Variants in SNTG1 observed in about 807,000 individuals in gnomAD.
SNTG1 encodes the protein gamma-1-syntrophin.
SNTG1 carries 39 observed loss-of-function variants against 74.7 expected under a neutral mutation model. That is an observed-to-expected ratio of 0.52 (90% CI 0.40 to 0.68). SNTG1 has a LOEUF of 0.68. Among genes scored for constraint, SNTG1 ranks in the 30% least tolerant of loss-of-function variants. The probability of loss-of-function intolerance (pLI) is 0.00; values close to 1 mark genes in which losing one functional copy is unlikely to be tolerated. For synonymous variants in SNTG1, 254 were observed against 217.1 expected (o/e 1.17, Z -1.49); for missense variants, 685 against 609.5 (o/e 1.12, Z -1.30).
intron 1 of SNTG1, among the ~76,000 whole-genome samples, chr8:50,059,371 C>G (rs1018810237): frequency 2.0e-5 from 3 of 152,042 alleles, no homozygotes; most frequent in African/African-American, 7.2e-5. Context: ...ATAACTCACT[C>G]GTTTGAAGCA....
At chr8:50,065,525 C>T (rs1309426359) in intron 1 of SNTG1, among the ~76,000 whole-genome samples, 1 of 152,076 alleles carries the variant, frequency 6.6e-6, no homozygotes, top group Non-Finnish European at 1.5e-5. Flanking sequence ...ACATACTACC[C>T]TTAAGAAAAA....
chr8:50,594,313 CTCAT>C (rs2094712396), intron 13 of SNTG1, among the ~76,000 whole-genome samples: 1 of 152,118 alleles, frequency 6.6e-6, no homozygotes, highest in African/African-American at 2.4e-5. Context: ...TGAAATATAT[CTCAT>C]TCCTCCCACA....
intron 12 of SNTG1, among the ~76,000 whole-genome samples, chr8:50,570,226 T>TTTTTATTTTATTTTATTTTATATTTTA (rs2094539179): frequency 2.1e-5 from 1 of 46,774 alleles, no homozygotes; most frequent in Non-Finnish European, 6.0e-5. Context: ...GGTGGTTCTA[T>TTTTTATTTTATTTTATTTTATATTTTA]TTTTATTTTA....
At chr8:50,228,215 C>A (rs2085439717) in intron 2 of SNTG1, among the ~76,000 whole-genome samples, 1 of 150,926 alleles carries the variant, frequency 6.6e-6, no homozygotes, top group Non-Finnish European at 1.5e-5. Context: ...TTGACATAGC[C>A]AAGGAAAAAA....
At chr8:50,596,072 A>G (rs2094725224) in intron 13 of SNTG1, among the ~76,000 whole-genome samples, 1 of 152,018 alleles carries the variant, frequency 6.6e-6, no homozygotes, top group Non-Finnish European at 1.5e-5. Flanking sequence ...AGGGTTTTAC[A>G]TTTCACATTG....
At chr8:50,525,950 C>G (rs747869871) in intron 9 of SNTG1, among the ~76,000 whole-genome samples, 1 of 151,656 alleles carries the variant, frequency 6.6e-6, no homozygotes, top group Admixed American at 6.6e-5. Context: ...TCAGCCATGT[C>G]TCTTAGACTT....
chr8:50,328,454 C>T, intron 2 of SNTG1, among the ~76,000 whole-genome samples: 1 of 152,084 alleles, frequency 6.6e-6, no homozygotes, highest in Admixed American at 6.6e-5. Flanking sequence ...TTCTGCATGG[C>T]TGGGAGGCCT....
intron 12 of SNTG1, among the ~76,000 whole-genome samples, chr8:50,582,330 C>T (rs2130825545): frequency 6.6e-6 from 1 of 152,240 alleles, no homozygotes; most frequent in African/African-American, 2.4e-5. Context: ...CAAGTCGGTG[C>T]AGTATAGACT....
intron 1 of SNTG1, among the ~76,000 whole-genome samples, chr8:50,127,563 G>A (rs934608639): frequency 2.0e-5 from 3 of 152,134 alleles, no homozygotes; most frequent in African/African-American, 7.2e-5. Flanking sequence ...ACTGCCTCAA[G>A]GCCTGGCAAT....
intron 2 of SNTG1, among the ~76,000 whole-genome samples, chr8:50,284,918 A>AT (rs1397638312): frequency 2.0e-5 from 3 of 151,792 alleles, no homozygotes; most frequent in Admixed American, 6.6e-5. Flanking sequence ...ATCAATGTTT[A>AT]TTTTTTTTAC....
At chr8:50,052,961 G>A (rs1819700417) in intron 1 of SNTG1, among the ~76,000 whole-genome samples, 1 of 152,056 alleles carries the variant, frequency 6.6e-6, no homozygotes, top group Non-Finnish European at 1.5e-5. Context: ...TATATTGCTG[G>A]GGCATCTGAA....
At chr8:50,114,203 G>A (rs944896845) in intron 1 of SNTG1, among the ~76,000 whole-genome samples, 2 of 151,934 alleles carry the variant, frequency 1.3e-5, no homozygotes, top group East Asian at 3.9e-4. Context: ...CAACTAAAAA[G>A]CAGTTGGAAT....
At position 50,502,722 on chromosome 8, in the gene SNTG1, A is replaced by C. The variant is rs890864314; in HGVS notation, c.364-56A>C. 10 of 1,402,548 alleles carry C rather than the reference A, an allele frequency of 7.1e-6. No homozygotes were observed. The Admixed American group carries it at 1.9e-4, about 27-fold the overall frequency. The allele number at this position is 1,402,548 out of a possible 1,614,324, so 86.9% of individuals were successfully genotyped here. ...CAACCAATAATTTCAAGGCTTTGCC[A>C]TCATATAACATGATAAATGTAATGA... is the stretch of plus-strand genomic sequence containing the variant. On this transcript the variant is annotated intron_variant, in intron 8 of 18. Transcript: ENST00000642720.
At chr8:50,264,445 C>G (rs1299219822) in intron 2 of SNTG1, among the ~76,000 whole-genome samples, 1 of 151,736 alleles carries the variant, frequency 6.6e-6, no homozygotes, top group African/African-American at 2.4e-5. Context: ...TGGTGCATGC[C>G]TGTACTCCCA....
At chr8:50,245,039 T>C (rs2086332523) in intron 2 of SNTG1, among the ~76,000 whole-genome samples, 1 of 152,200 alleles carries the variant, frequency 6.6e-6, no homozygotes, top group African/African-American at 2.4e-5. Flanking sequence ...TTTTATTATG[T>C]TTTCTTGGTT....
intron 17 of SNTG1, among the ~76,000 whole-genome samples, chr8:50,713,121 G>A (rs1445848810): frequency 1.3e-5 from 2 of 152,146 alleles, no homozygotes; most frequent in African/African-American, 4.8e-5. Flanking sequence ...CCCACCAACA[G>A]TATAAAAGTA....
At chr8:50,301,825 G>GTTTTGT (rs1380808428) in intron 2 of SNTG1, among the ~76,000 whole-genome samples, 429 of 150,528 alleles carry the variant, frequency 2.8e-3, no homozygotes, top group Middle Eastern at 6.9e-3. Flanking sequence ...TTTCTGCTCT[G>GTTTTGT]TTTTGTTTTT....
At chr8:50,150,085 G>T (rs545479081) in intron 1 of SNTG1, among the ~76,000 whole-genome samples, 1 of 152,184 alleles carries the variant, frequency 6.6e-6, no homozygotes, top group African/African-American at 2.4e-5. Flanking sequence ...GTGGTTTGTA[G>T]TTCTCCTTGA....
intron 5 of SNTG1, among the ~76,000 whole-genome samples, chr8:50,444,203 T>C (rs2093384359): frequency 6.6e-6 from 1 of 152,014 alleles, no homozygotes; most frequent in Non-Finnish European, 1.5e-5. Context: ...AGTAAGCAAT[T>C]TTGTAAGATA....
Sources: allele counts gnomAD v4.1 joint callset (sites outside exome capture counted in the v4.1 genomes callset), GRCh38; gene constraint gnomAD v4.1.1; transcripts MANE v1.5; gene names NCBI Gene and HGNC (gene_info 2026-07-23, HGNC 2026-07-21).